The following TFEC variants were observed in gnomAD, a reference collection of about 807,000 sequenced individuals.
The protein encoded by TFEC is class E basic helix-loop-helix protein 34.
In TFEC, 31 loss-of-function variants were observed where a neutral mutation model predicts 41.6. The observed-to-expected ratio is 0.74, with a 90% CI of 0.56 to 1.01. The LOEUF is 1.01. TFEC is among the 50% of genes least tolerant of loss of function. The probability of loss-of-function intolerance (pLI) is 0.00; values close to 1 mark genes in which losing one functional copy is unlikely to be tolerated. For synonymous variants in TFEC, 143 were observed against 140.6 expected, an observed-to-expected ratio of 1.02 and a Z score of -0.12; for missense variants, 402 against 404.1, an observed-to-expected ratio of 0.99 and a Z score of 0.04.
At chr7:115,967,441 T>C (rs12706065) in intron 3 of TFEC, among the ~76,000 whole-genome samples, 20,779 of 151,786 alleles carry the variant, frequency 0.14, 1,922 homozygotes, top group Non-Finnish European at 0.21. Context: ...GCACAATGCA[T>C]GCAAAAAATT....
intron 1 of TFEC, among the ~76,000 whole-genome samples, chr7:116,130,350 T>C (rs1007413804): frequency 3.3e-5 from 5 of 152,188 alleles, no homozygotes; most frequent in African/African-American, 7.2e-5. Context: ...ATGACAAATA[T>C]ATAAGCAAAC....
At chr7:116,004,880 C>T (rs71564545) in intron 1 of TFEC, among the ~76,000 whole-genome samples, 20,810 of 151,928 alleles carry the variant, frequency 0.14, 1,926 homozygotes, top group Non-Finnish European at 0.21. Flanking sequence ...TCCCACACTT[C>T]GTGGGAGGGA....
intron 1 of TFEC, among the ~76,000 whole-genome samples, chr7:116,149,968 A>C (rs1798726439): frequency 6.6e-6 from 1 of 152,186 alleles, no homozygotes; most frequent in Non-Finnish European, 1.5e-5. Context: ...CCTTTACAAC[A>C]GTCAACATAA....
chr7:116,084,927 G>C (rs929722057), intron 3 of TFEC, among the ~76,000 whole-genome samples: 1 of 151,844 alleles, frequency 6.6e-6, no homozygotes, highest in Non-Finnish European at 1.5e-5. Context: ...TTTGCTGGCT[G>C]CTGTGACTAA....
intron 6 of TFEC, among the ~76,000 whole-genome samples, chr7:115,945,358 G>T (rs1229097256): frequency 6.6e-6 from 1 of 151,378 alleles, no homozygotes; most frequent in East Asian, 2.0e-4. Context: ...CACGTAGATG[G>T]GTACTCCTTA....
intron 1 of TFEC, among the ~76,000 whole-genome samples, chr7:116,131,507 T>C (rs1446431276): frequency 6.6e-6 from 1 of 152,238 alleles, no homozygotes; most frequent in East Asian, 1.9e-4. Flanking sequence ...TAACCTTACA[T>C]ATATTAGAAA....
At chr7:116,126,357 G>C (rs1798208394) in intron 1 of TFEC, among the ~76,000 whole-genome samples, 1 of 151,994 alleles carries the variant, frequency 6.6e-6, no homozygotes, top group African/African-American at 2.4e-5. Flanking sequence ...AATAAAAGAA[G>C]GGAAAAAGTA....
At chr7:116,113,544 T>C (rs1461935336) in intron 1 of TFEC, among the ~76,000 whole-genome samples, 2 of 151,984 alleles carry the variant, frequency 1.3e-5, no homozygotes, top group Admixed American at 1.3e-4. Flanking sequence ...TTTGTTATGA[T>C]AGCCCTAGGA....
At chr7:115,954,070 G>C (rs1792088751) in intron 5 of TFEC, among the ~76,000 whole-genome samples, 1 of 151,934 alleles carries the variant, frequency 6.6e-6, no homozygotes, top group Non-Finnish European at 1.5e-5. Context: ...CATCTCATAT[G>C]ACCTGTTATC....
intron 3 of TFEC, among the ~76,000 whole-genome samples, chr7:116,096,863 G>A (rs1218261817): frequency 6.6e-6 from 1 of 152,082 alleles, no homozygotes; most frequent in Admixed American, 6.5e-5. Flanking sequence ...AGGCCGAAGA[G>A]GGCAGATCAC....
chr7:116,105,996 T>C (rs1456972898), intron 3 of TFEC, among the ~76,000 whole-genome samples: 1 of 152,084 alleles, frequency 6.6e-6, no homozygotes, highest in East Asian at 1.9e-4. Flanking sequence ...CTTTCTTTTG[T>C]AGAAAAGGTA....
At chr7:116,106,245 T>A (rs1797714094) in intron 3 of TFEC, among the ~76,000 whole-genome samples, 1 of 152,230 alleles carries the variant, frequency 6.6e-6, no homozygotes, top group Admixed American at 6.5e-5. Flanking sequence ...TTACAAGGTC[T>A]CATGAAGAAG....
intron 2 of TFEC, among the ~76,000 whole-genome samples, chr7:116,111,111 TAAAAA>T (rs374892440): frequency 7.2e-6 from 1 of 139,410 alleles, no homozygotes; most frequent in Non-Finnish European, 1.6e-5. Flanking sequence ...ATGTTCAAGT[TAAAAA>T]AAAAAAAAAG....
At chr7:116,019,013 A>T (rs933835728) in intron 1 of TFEC, among the ~76,000 whole-genome samples, 3 of 152,170 alleles carry the variant, frequency 2.0e-5, no homozygotes, top group Non-Finnish European at 4.4e-5. Flanking sequence ...CATCACAAGA[A>T]AAGGTAAAGG....
rs563809567 is a variant in TFEC at position 116,115,031 on chromosome 7, T to C, written c.-68-2993A>G. Reference sequence around the variant, plus strand: ...GCCAAGAAAAGTAAGGTAGATCTAATGTCAGTAGTGTGGTCCTTTGTTAAT... The same window carrying C: ...GCCAAGAAAAGTAAGGTAGATCTAACGTCAGTAGTGTGGTCCTTTGTTAAT... On this transcript the variant is annotated intron_variant, in intron 1 of 8. Transcript: ENST00000484212. Among the ~76,000 whole-genome samples the C allele has an allele frequency of 5.5e-4, 83 of 152,070 alleles. 1 individual carries two copies. Among genetic ancestry groups the C allele is most frequent in the African/African-American group, 1.9e-3 (80 of 41,520 alleles).
chr7:115,961,683 T>C (rs913856145), intron 3 of TFEC, among the ~76,000 whole-genome samples: 1 of 151,580 alleles, frequency 6.6e-6, no homozygotes, highest in Non-Finnish European at 1.5e-5. Context: ...ACATTTCAAA[T>C]GAAAGGAGAA....
intron 6 of TFEC, among the ~76,000 whole-genome samples, chr7:115,948,261 C>T (rs1220599175): frequency 2.0e-5 from 3 of 151,576 alleles, no homozygotes; most frequent in Admixed American, 6.6e-5. Flanking sequence ...CCGAATTCTA[C>T]CAGAGGTACA....
intron 1 of TFEC, among the ~76,000 whole-genome samples, chr7:115,995,420 C>T (rs971192272): frequency 4.6e-5 from 7 of 151,768 alleles, no homozygotes; most frequent in East Asian, 1.9e-4. Flanking sequence ...TATATGCTTA[C>T]GTATGCTTAT....
chr7:116,020,770 A>AT (rs548599929), intron 1 of TFEC, among the ~76,000 whole-genome samples: 98 of 148,622 alleles, frequency 6.6e-4, no homozygotes, highest in East Asian at 3.7e-3. Context: ...GTACCATTGG[A>AT]TTTTTTTTTT....
Sources: gnomAD v4.1 joint callset for allele counts (sites outside exome capture counted in the v4.1 genomes callset) on GRCh38, gnomAD v4.1.1 for gene constraint, MANE v1.5 for transcripts, NCBI Gene and HGNC (gene_info 2026-07-23, HGNC 2026-07-21) for gene names.